The following RBMS3 variants were observed in gnomAD, a reference collection of about 807,000 sequenced individuals.
RBMS3 encodes the protein RNA-binding motif, single-stranded-interacting protein 3.
In RBMS3, 27 loss-of-function variants were observed where a neutral mutation model predicts 66.8. The ratio of observed to expected loss-of-function variants is 0.40; its 90% CI spans 0.30 to 0.56. RBMS3 has a LOEUF of 0.56. Among genes scored for constraint, RBMS3 ranks in the 20% least tolerant of loss-of-function variants. The probability of loss-of-function intolerance (pLI) is 0.40; values close to 1 mark genes in which losing one functional copy is unlikely to be tolerated. For synonymous variants in RBMS3, 188 were observed against 183.0 expected (o/e 1.03, Z -0.22); for missense variants, 513 against 549.5 (o/e 0.93, Z 0.66).
chr3:29,888,373 T>G (rs1577073759), intron 8 of RBMS3, among the ~76,000 whole-genome samples: 1 of 151,834 alleles, frequency 6.6e-6, no homozygotes, highest in East Asian at 1.9e-4. Flanking sequence ...TCCATTGAAA[T>G]TGGGCATATT....
intron 3 of RBMS3, among the ~76,000 whole-genome samples, chr3:29,511,258 T>C (rs1237721768): frequency 6.6e-6 from 1 of 152,168 alleles, no homozygotes; most frequent in Non-Finnish European, 1.5e-5. Context: ...ATCGCACCAC[T>C]GCACTCCAGC....
intron 12 of RBMS3, among the ~76,000 whole-genome samples, chr3:29,975,908 G>T (rs1250134231): frequency 6.6e-6 from 1 of 151,822 alleles, no homozygotes; most frequent in Non-Finnish European, 1.5e-5. Flanking sequence ...ATTGCAATTT[G>T]TAAGGAAAAT....
chr3:29,860,651 T>C (rs555983442), intron 6 of RBMS3, among the ~76,000 whole-genome samples: 2 of 152,346 alleles, frequency 1.3e-5, no homozygotes, highest in South Asian at 4.1e-4. Flanking sequence ...GTGACCACTT[T>C]GCCAGGAGCA....
chr3:29,624,372 A>AGTGAGACT (rs1197321281), intron 4 of RBMS3, among the ~76,000 whole-genome samples: 1 of 152,224 alleles, frequency 6.6e-6, no homozygotes, highest in African/African-American at 2.4e-5. Context: ...GTTGCTACAA[A>AGTGAGACT]GTGAGACTGT....
At chr3:29,943,414 C>T (rs1011577497) in intron 11 of RBMS3, among the ~76,000 whole-genome samples, 3 of 151,782 alleles carry the variant, frequency 2.0e-5, no homozygotes, top group African/African-American at 7.3e-5. Context: ...TTTAAGATCC[C>T]TGGCTAAAGA....
intron 1 of RBMS3, among the ~76,000 whole-genome samples, chr3:29,419,173 G>C (rs2040600277): frequency 6.6e-6 from 1 of 152,088 alleles, no homozygotes; most frequent in Admixed American, 6.5e-5. Flanking sequence ...GGTAAGTATA[G>C]ACCATATTTC....
chr3:29,802,079 G>A (rs2057406867), intron 6 of RBMS3, among the ~76,000 whole-genome samples: 1 of 152,120 alleles, frequency 6.6e-6, no homozygotes, highest in South Asian at 2.1e-4. Context: ...CATCATGAAT[G>A]TTTAGTCCTG....
At chr3:29,601,525 T>A (rs1377792003) in intron 4 of RBMS3, among the ~76,000 whole-genome samples, 1 of 150,724 alleles carries the variant, frequency 6.6e-6, no homozygotes, top group Non-Finnish European at 1.5e-5. Context: ...TATGATGAAG[T>A]GATATGCCAA....
intron 1 of RBMS3, among the ~76,000 whole-genome samples, chr3:29,320,481 A>C (rs1271464870): frequency 6.6e-6 from 1 of 152,110 alleles, no homozygotes; most frequent in Non-Finnish European, 1.5e-5. Flanking sequence ...TCTATGGCAT[A>C]TTAATGGAGA....
At chr3:29,917,436 G>T (rs2060666186) in intron 10 of RBMS3, among the ~76,000 whole-genome samples, 1 of 152,056 alleles carries the variant, frequency 6.6e-6, no homozygotes, top group African/African-American at 2.4e-5. Context: ...CCAGATATGT[G>T]CTGCACCATA....
chr3:29,469,333 C>T (rs555196643), intron 2 of RBMS3, among the ~76,000 whole-genome samples: 9 of 152,036 alleles, frequency 5.9e-5, no homozygotes, highest in Admixed American at 2.0e-4. Flanking sequence ...TTCAATGATC[C>T]CACTCCTGAG....
chr3:29,968,071 G>C (rs1377374851), intron 12 of RBMS3, among the ~76,000 whole-genome samples: 1 of 152,116 alleles, frequency 6.6e-6, no homozygotes, highest in Admixed American at 6.5e-5. Context: ...ATGTCAGTTT[G>C]TGCTATTTCA....
chr3:29,434,178 T>G (rs903430900), intron 1 of RBMS3, among the ~76,000 whole-genome samples: 1 of 152,200 alleles, frequency 6.6e-6, no homozygotes, highest in Admixed American at 6.5e-5. Context: ...GAAACGATTT[T>G]GGGAATATGA....
chr3:29,329,939 A>G (rs1476087656), intron 1 of RBMS3, among the ~76,000 whole-genome samples: 1 of 148,818 alleles, frequency 6.7e-6, no homozygotes, highest in African/African-American at 2.4e-5. Flanking sequence ...ATATATTAAT[A>G]TAACTTTTGT....
chr3:29,371,784 A>G (rs2038216811), intron 1 of RBMS3, among the ~76,000 whole-genome samples: 1 of 152,190 alleles, frequency 6.6e-6, no homozygotes. Context: ...TCTGGAGGAG[A>G]GAGGAATTAA....
chr3:29,922,366 A>G (rs1021584213), intron 10 of RBMS3, among the ~76,000 whole-genome samples: 1 of 151,698 alleles, frequency 6.6e-6, no homozygotes, highest in Non-Finnish European at 1.5e-5. Flanking sequence ...GGGCGCCTGT[A>G]GTCCCAGCTA....
At chr3:29,998,671 T>C (rs1328442550) in intron 14 of RBMS3, among the ~76,000 whole-genome samples, 7 of 152,174 alleles carry the variant, frequency 4.6e-5, no homozygotes, top group Non-Finnish European at 8.8e-5. Flanking sequence ...GGGGAAAGGA[T>C]TCCCTATTGA....
intron 1 of RBMS3, among the ~76,000 whole-genome samples, chr3:29,341,311 T>C (rs988504069): frequency 1.3e-5 from 2 of 152,112 alleles, no homozygotes; most frequent in African/African-American, 4.8e-5. Flanking sequence ...CTCTGTGAAG[T>C]TGGCTTTATC....
At position 29,622,922 on chromosome 3, in the gene RBMS3, G is replaced by A. The variant is rs112796366; in HGVS notation, c.399+35717G>A. On this transcript the variant is annotated intron_variant, in intron 4 of 14. Coordinates refer to ENST00000383767, the MANE Select transcript of RBMS3 (RefSeq NM_001003793.3). ...ACGAGGTCAGGAGATGGAGACCATCGTGGCTAACACGGTGAAACCCCGTCT... is the reference window on the plus strand; with the variant it reads ...ACGAGGTCAGGAGATGGAGACCATCATGGCTAACACGGTGAAACCCCGTCT... Among the ~76,000 whole-genome samples, 37 of 152,098 alleles carry A rather than the reference G, an allele frequency of 2.4e-4. 1 individual carries two copies. Among genetic ancestry groups the A allele is most frequent in the African/African-American group, 8.7e-4 (36 of 41,514 alleles).
Sources: allele counts gnomAD v4.1 joint callset (sites outside exome capture counted in the v4.1 genomes callset), GRCh38; gene constraint gnomAD v4.1.1; transcripts MANE v1.5; gene names NCBI Gene and HGNC (gene_info 2026-07-23, HGNC 2026-07-21).